Variants in NRF1 observed in about 807,000 individuals in gnomAD.
The protein encoded by NRF1 is alpha palindromic-binding protein.
NRF1 carries 5 observed loss-of-function variants against 58.5 expected under a neutral mutation model. The ratio of observed to expected loss-of-function variants is 0.09; its 90% CI spans 0.04 to 0.18. The LOEUF (loss-of-function observed/expected upper bound fraction) is 0.18. Among genes scored for constraint, NRF1 ranks in the 10% least tolerant of loss-of-function variants. The pLI is 1.00. For synonymous variants in NRF1, 224 were observed against 246.7 expected (o/e 0.91, Z 0.86); for missense variants, 288 against 657.7 (o/e 0.44, Z 6.15).
chr7:129,686,602 G>T (rs1241006134), intron 4 of NRF1, among the ~76,000 whole-genome samples: 1 of 152,190 alleles, frequency 6.6e-6, no homozygotes, highest in Non-Finnish European at 1.5e-5. Context: ...ATAGAATTAT[G>T]GTAAGGATTA....
At chr7:129,734,166 T>C (rs1277293677) in intron 10 of NRF1, among the ~76,000 whole-genome samples, 2 of 152,256 alleles carry the variant, frequency 1.3e-5, no homozygotes, top group Non-Finnish European at 2.9e-5. Context: ...TTTAACAAAA[T>C]TTACATAATC....
At chr7:129,688,254 G>A (rs1802485284) in intron 4 of NRF1, among the ~76,000 whole-genome samples, 1 of 152,120 alleles carries the variant, frequency 6.6e-6, no homozygotes, top group African/African-American at 2.4e-5. Flanking sequence ...AGCCTCCCGA[G>A]TAGCTGGGAC....
At chr7:129,620,475 G>A (rs963178558) in intron 1 of NRF1, among the ~76,000 whole-genome samples, 4 of 148,724 alleles carry the variant, frequency 2.7e-5, no homozygotes, top group Admixed American at 6.8e-5. Context: ...TGCAACCTCC[G>A]CCTCCCGGGT....
chr7:129,696,825 T>G (rs1802710375), intron 5 of NRF1, among the ~76,000 whole-genome samples: 1 of 152,214 alleles, frequency 6.6e-6, no homozygotes, highest in Non-Finnish European at 1.5e-5. Context: ...ATTTTGTATC[T>G]TTATAAATGA....
At chr7:129,674,139 T>TA (rs576158128) in intron 3 of NRF1, among the ~76,000 whole-genome samples, 6,333 of 146,210 alleles carry the variant, frequency 0.043, 154 homozygotes, top group Middle Eastern at 0.13. Flanking sequence ...AAACTCCATC[T>TA]AAAAAAAAAA....
In NRF1 at chr7:129,711,638, A is replaced by G. The variant is rs147343849; in HGVS notation, c.1065+62A>G. 1.3e-3 allele frequency: 1,697 copies of G among 1,334,450 alleles called. 17 individuals carry two copies. In the African/African-American group the frequency reaches 0.02, roughly 16 times the overall value. 82.7% of individuals were successfully genotyped at this position (1,334,450 alleles called of 1,614,324 possible). ...TTGAATGTATAATGAGGGAAAAGCAAGGGTCCAGAAGATGGAGTAGCCTGC... is the reference window on the plus strand; with the variant it reads ...TTGAATGTATAATGAGGGAAAAGCAGGGGTCCAGAAGATGGAGTAGCCTGC... On this transcript the variant is annotated intron_variant, in intron 8 of 10. Coordinates refer to ENST00000393232, the MANE Select transcript of NRF1 (RefSeq NM_005011.5).
chr7:129,612,935 TGGA>T (rs987200529), intron 1 of NRF1, among the ~76,000 whole-genome samples: 36 of 152,258 alleles, frequency 2.4e-4, no homozygotes, highest in African/African-American at 8.4e-4. Flanking sequence ...TCCAACCAGT[TGGA>T]GGAGCTGTTG....
intron 8 of NRF1, among the ~76,000 whole-genome samples, chr7:129,714,897 A>C (rs1403405773): frequency 6.6e-6 from 1 of 152,172 alleles, no homozygotes; most frequent in East Asian, 1.9e-4. Flanking sequence ...GTAACTACTC[A>C]CTAGGCCCCA....
At chr7:129,709,257 G>A in intron 6 of NRF1, 24 bp downstream of exon 6, 1 of 1,417,966 alleles carries the variant, frequency 7.1e-7, no homozygotes, top group Non-Finnish European at 9.3e-7. Context: ...TGACTGAGTT[G>A]CCTGGTTGCT....
intron 10 of NRF1, among the ~76,000 whole-genome samples, chr7:129,742,287 A>G (rs572486783): frequency 6.6e-6 from 1 of 151,524 alleles, no homozygotes; most frequent in Non-Finnish European, 1.5e-5. Flanking sequence ...AAAAAAAAAA[A>G]AAAAACAAAA....
At chr7:129,662,963 C>G (rs12536883) in intron 2 of NRF1, among the ~76,000 whole-genome samples, 76 of 152,298 alleles carry the variant, frequency 5.0e-4, no homozygotes, top group African/African-American at 1.7e-3. Context: ...TGACTCTTAA[C>G]GAGCATGCTG....
chr7:129,717,177 T>C (rs750350902), intron 8 of NRF1, 42 bp from the exon 9 acceptor site: 49 of 1,546,768 alleles, frequency 3.2e-5, no homozygotes, highest in Admixed American at 2.6e-4. Context: ...AATTGTACTT[T>C]TGTGGCTTTG....
chr7:129,737,535 A>G (rs949225163), intron 10 of NRF1, among the ~76,000 whole-genome samples: 11 of 152,072 alleles, frequency 7.2e-5, no homozygotes, highest in African/African-American at 7.2e-5. Flanking sequence ...GATGATGCCA[A>G]TCCTCCACAT....
chr7:129,739,070 C>T (rs957427622), intron 10 of NRF1, among the ~76,000 whole-genome samples: 4 of 152,280 alleles, frequency 2.6e-5, no homozygotes, highest in South Asian at 2.1e-4. Context: ...CAAAGACTCA[C>T]GGTAAATCTT....
intron 1 of NRF1, among the ~76,000 whole-genome samples, chr7:129,632,102 G>GC (rs1801061961): frequency 6.6e-6 from 1 of 152,014 alleles, no homozygotes; most frequent in African/African-American, 2.4e-5. Flanking sequence ...TAATAAGACT[G>GC]CATCTCTAAA....
intron 1 of NRF1, among the ~76,000 whole-genome samples, chr7:129,652,225 G>A (rs780743203): frequency 6.6e-6 from 1 of 152,144 alleles, no homozygotes; most frequent in African/African-American, 2.4e-5. Context: ...TCTTTTACAT[G>A]CAGCCATAGA....
rs546178719 is a variant in NRF1, at chr7:129,745,486, TCCCCAAACCATCCC to T, written c.1349-9529_1349-9516del. On this transcript the variant is annotated intron_variant, in intron 10 of 10. Coordinates refer to ENST00000393232, the MANE Select transcript of NRF1 (RefSeq NM_005011.5). ...GATGATCTAAGGTGGAATAGTTTCA[TCCCCAAACCATCCC>T]CCTCAACCCCCCCCCCATCCATGGA... is the stretch of plus-strand genomic sequence containing the variant. Among the ~76,000 whole-genome samples, 683 of 140,120 alleles carry T rather than the reference TCCCCAAACCATCCC, an allele frequency of 4.9e-3. 4 individuals are homozygous for T. The highest frequency in any genetic ancestry group is 0.013 in the Admixed American group (173 of 12,920). 91.9% of individuals were successfully genotyped at this position (140,120 alleles called of 152,430 possible).
intron 1 of NRF1, among the ~76,000 whole-genome samples, chr7:129,616,292 G>C (rs894102761): frequency 7.2e-5 from 11 of 152,168 alleles, no homozygotes; most frequent in African/African-American, 2.4e-4. Flanking sequence ...TAGTATATTA[G>C]AAAACAATGG....
At position 129,638,523 on chromosome 7, in the gene NRF1, TG is replaced by T. The variant is rs1801219917; in HGVS notation, c.-6-18822del. ...AAATGTGGGTATGGTAAATTACATTTGATGGCCTCTTTTCCCCTTCTGTTTT... is the reference window on the plus strand; with the variant it reads ...AAATGTGGGTATGGTAAATTACATTTATGGCCTCTTTTCCCCTTCTGTTTT... On this transcript the variant is annotated intron_variant, in intron 1 of 10. Transcript: ENST00000393232. Among the ~76,000 whole-genome samples, 3 of 152,342 alleles carry T rather than the reference TG, an allele frequency of 2.0e-5. No individual in the cohort carries two copies. The South Asian group carries it at 6.2e-4, about 32-fold the overall frequency.
Sources: gnomAD v4.1 joint callset for allele counts (sites outside exome capture counted in the v4.1 genomes callset) on GRCh38, gnomAD v4.1.1 for gene constraint, MANE v1.5 for transcripts, NCBI Gene and HGNC (gene_info 2026-07-23, HGNC 2026-07-21) for gene names.